Variants in CAMK4 observed in about 807,000 individuals in gnomAD.
CAMK4 encodes calcium/calmodulin dependent protein kinase IV.
In CAMK4, 22 loss-of-function variants were observed where a neutral mutation model predicts 44.9. The observed-to-expected ratio is 0.49, with a 90% CI of 0.35 to 0.70. The LOEUF is 0.70. CAMK4 is among the 30% of genes least tolerant of loss of function. The pLI is 0.01. For synonymous variants in CAMK4, 218 were observed against 215.4 expected, an observed-to-expected ratio of 1.01 and a Z score of -0.11; for missense variants, 498 against 586.8, an observed-to-expected ratio of 0.85 and a Z score of 1.56.
intron 1 of CAMK4, among the ~76,000 whole-genome samples, chr5:111,260,485 C>G (rs2112560449): frequency 6.6e-6 from 1 of 152,294 alleles, no homozygotes; most frequent in Admixed American, 6.5e-5. Flanking sequence ...AAGGCTCTCC[C>G]CTCAGCCTCT....
chr5:111,330,613 A>T (rs1033031969), intron 1 of CAMK4, among the ~76,000 whole-genome samples: 4 of 151,718 alleles, frequency 2.6e-5, no homozygotes, highest in Non-Finnish European at 5.9e-5. Context: ...TCTAGAGATG[A>T]TTTAAAGTAT....
In CAMK4 at chr5:111,353,433, T is replaced by C. The variant is rs554672709; in HGVS notation, c.240+9331T>C. ...CTGCTTGAGGTCCTTGCTATATGGA[T>C]GTTATTATCATCCTCCAAGGAAAGT... On this transcript the variant is annotated intron_variant, in intron 2 of 10. Transcript: ENST00000282356. 8.9e-4 allele frequency among the ~76,000 whole-genome samples: 136 copies of C among 152,238 alleles called. 1 individual carries two copies. The highest frequency in any genetic ancestry group is 3.0e-3 in the African/African-American group (123 of 41,560).
At chr5:111,375,030 T>C (rs1751162526) in intron 3 of CAMK4, 118 bp downstream of exon 3, 1 of 705,802 alleles carries the variant, frequency 1.4e-6, no homozygotes, top group African/African-American at 1.8e-5. Flanking sequence ...ATAGCTACTA[T>C]GTGCTAGCTC....
chr5:111,315,969 C>A (rs1270408677), intron 1 of CAMK4, among the ~76,000 whole-genome samples: 1 of 151,998 alleles, frequency 6.6e-6, no homozygotes, highest in Admixed American at 6.6e-5. Flanking sequence ...GCTCTCTAGG[C>A]AATAATTTGA....
chr5:111,446,079 A>G (rs759961710), intron 5 of CAMK4, among the ~76,000 whole-genome samples: 2 of 152,218 alleles, frequency 1.3e-5, no homozygotes, highest in Non-Finnish European at 2.9e-5. Context: ...GCTAGATGTG[A>G]TCTTTGAGAT....
At chr5:111,421,360 G>GT (rs1753026138) in intron 5 of CAMK4, among the ~76,000 whole-genome samples, 2 of 152,218 alleles carry the variant, frequency 1.3e-5, no homozygotes, top group East Asian at 1.9e-4. Flanking sequence ...CAAAAGTTTT[G>GT]TTTTTTTACT....
chr5:111,358,696 T>C (rs960652692), intron 2 of CAMK4, among the ~76,000 whole-genome samples: 5 of 152,028 alleles, frequency 3.3e-5, no homozygotes, highest in African/African-American at 1.2e-4. Flanking sequence ...TCAATAGTTA[T>C]TTTTTCTGCT....
chr5:111,365,656 G>A (rs193006864), intron 2 of CAMK4, among the ~76,000 whole-genome samples: 112 of 152,172 alleles, frequency 7.4e-4, no homozygotes, highest in Non-Finnish European at 1.2e-3. Flanking sequence ...ATAGCAATGA[G>A]GAGCAAGAAG....
In CAMK4 at chr5:111,224,688, G is replaced by C; in HGVS notation, c.161+44G>C. The stretch of plus-strand genomic sequence containing the variant: ...CTGGGGAAGCCCGCGGCGTGCACTG[G>C]GGGTTGTCCCTCTCGCAGCGACGGC... On this transcript the variant is annotated intron_variant, in intron 1 of 10. Coordinates refer to ENST00000282356, the MANE Select transcript of CAMK4 (RefSeq NM_001744.6). This position sits in a 1 kb window ranked among gnomAD's most constrained non-coding sequence, Gnocchi z 5.7. The C allele has an allele frequency of 1.3e-6, 2 of 1,565,572 alleles. No individual in the cohort carries two copies. Among genetic ancestry groups the C allele is most frequent in the Non-Finnish European group, 1.7e-6 (2 of 1,154,156 alleles).
At chr5:111,410,221 G>C (rs1752581975) in intron 5 of CAMK4, among the ~76,000 whole-genome samples, 1 of 148,418 alleles carries the variant, frequency 6.7e-6, no homozygotes, top group Non-Finnish European at 1.5e-5. Flanking sequence ...TTGACCCACA[G>C]TTCCACATGG....
At chr5:111,313,957 A>G (rs994358293) in intron 1 of CAMK4, among the ~76,000 whole-genome samples, 4 of 152,104 alleles carry the variant, frequency 2.6e-5, no homozygotes, top group African/African-American at 9.7e-5. Context: ...TTGTATGGGT[A>G]TATCGAATTA....
At chr5:111,446,858 C>T (rs764748349) in intron 6 of CAMK4, 82 bp downstream of exon 6, 20 of 815,356 alleles carry the variant, frequency 2.5e-5, no homozygotes, top group Non-Finnish European at 4.2e-5. Flanking sequence ...AAATATTGCT[C>T]CATCCAGTTT....
chr5:111,285,885 G>C (rs1166864154), intron 1 of CAMK4, among the ~76,000 whole-genome samples: 1 of 152,170 alleles, frequency 6.6e-6, no homozygotes, highest in Non-Finnish European at 1.5e-5. Context: ...CCATTTCTCT[G>C]ATAAAGTAAA....
intron 1 of CAMK4, among the ~76,000 whole-genome samples, chr5:111,261,644 T>C (rs1749982682): frequency 6.6e-6 from 1 of 151,982 alleles, no homozygotes; most frequent in Admixed American, 6.5e-5. Flanking sequence ...AAAATTTTAG[T>C]GTCACGTTTA....
intron 7 of CAMK4, among the ~76,000 whole-genome samples, chr5:111,458,233 G>A (rs1213744765): frequency 6.6e-6 from 1 of 152,200 alleles, no homozygotes; most frequent in Non-Finnish European, 1.5e-5. Flanking sequence ...GGAAAAGTAG[G>A]GACAGATACA....
chr5:111,330,093 C>T (rs1205160457), intron 1 of CAMK4, among the ~76,000 whole-genome samples: 2 of 143,970 alleles, frequency 1.4e-5, no homozygotes, highest in African/African-American at 2.5e-5. Context: ...CTCCCCACCA[C>T]CCCTACAAAA....
chr5:111,231,837 CAT>C (rs1748491399), intron 1 of CAMK4, among the ~76,000 whole-genome samples: 3 of 152,156 alleles, frequency 2.0e-5, no homozygotes, highest in South Asian at 2.1e-4. Context: ...GTAATGGAAA[CAT>C]AACATTTTTA....
In CAMK4 at chr5:111,333,673, A is replaced by G. The variant is rs566883421; in HGVS notation, c.162-10351A>G. Among the ~76,000 whole-genome samples, 14 of 151,770 alleles carry G rather than the reference A, an allele frequency of 9.2e-5. No individual in the cohort carries two copies. In the South Asian group the frequency reaches 2.5e-3, roughly 27 times the overall value. Reference sequence around the variant, plus strand: ...CAATGCTTATGGAGATCCAAGCACTAGGTCCAAAGTCACAACTGGATGCTG... The same window carrying G: ...CAATGCTTATGGAGATCCAAGCACTGGGTCCAAAGTCACAACTGGATGCTG... On this transcript the variant is annotated intron_variant, in intron 1 of 10. Coordinates refer to ENST00000282356, the MANE Select transcript of CAMK4 (RefSeq NM_001744.6).
At chr5:111,334,964 A>G (rs1349317294) in intron 1 of CAMK4, among the ~76,000 whole-genome samples, 2 of 151,350 alleles carry the variant, frequency 1.3e-5, no homozygotes, top group African/African-American at 4.8e-5. Flanking sequence ...AAAAAGTGAA[A>G]CTCTTTAATA....
Sources: allele counts gnomAD v4.1 joint callset (sites outside exome capture counted in the v4.1 genomes callset), GRCh38; gene constraint gnomAD v4.1.1; non-coding constraint Gnocchi (gnomAD v3.1); transcripts MANE v1.5; gene names NCBI Gene and HGNC (gene_info 2026-07-23, HGNC 2026-07-21).